Variants in SLCO3A1 observed in about 807,000 individuals in gnomAD.
SLCO3A1 encodes solute carrier organic anion transporter family member 3A1.
Under a neutral mutation model 63.1 loss-of-function variants are expected in SLCO3A1, and 27 were observed. The ratio of observed to expected loss-of-function variants is 0.43; its 90% CI spans 0.32 to 0.59. The LOEUF (loss-of-function observed/expected upper bound fraction) is 0.59. SLCO3A1 is among the 20% of genes least tolerant of loss of function. The pLI is 0.09. For missense variants in SLCO3A1, 773 were observed against 945.8 expected, an observed-to-expected ratio of 0.82 and a Z score of 2.40; for synonymous variants, 473 against 409.9, an observed-to-expected ratio of 1.15 and a Z score of -1.86.
At chr15:91,879,988 C>T (rs1205847571) in intron 1 of SLCO3A1, among the ~76,000 whole-genome samples, 1 of 152,094 alleles carries the variant, frequency 6.6e-6, no homozygotes, top group Non-Finnish European at 1.5e-5. Flanking sequence ...ATTCAGGGCT[C>T]TGTGCAGAAT....
At chr15:92,132,810 T>C (rs1388126569) in intron 7 of SLCO3A1, among the ~76,000 whole-genome samples, 1 of 144,910 alleles carries the variant, frequency 6.9e-6, no homozygotes, top group African/African-American at 2.5e-5. Flanking sequence ...GACAGCTCCA[T>C]TATGGGCCCA....
At chr15:92,065,765 T>G (rs190120672) in intron 2 of SLCO3A1, among the ~76,000 whole-genome samples, 10 of 152,372 alleles carry the variant, frequency 6.6e-5, no homozygotes, top group Admixed American at 1.3e-4. Flanking sequence ...TTCACTCATT[T>G]TACGTGCACA....
intron 2 of SLCO3A1, among the ~76,000 whole-genome samples, chr15:91,969,548 C>T (rs1158530386): frequency 6.6e-6 from 1 of 152,162 alleles, no homozygotes; most frequent in Non-Finnish European, 1.5e-5. Flanking sequence ...CTCAGGTGGT[C>T]CACCCACCTT....
chr15:91,873,702 C>G (rs1010342749), intron 1 of SLCO3A1, among the ~76,000 whole-genome samples: 1 of 152,158 alleles, frequency 6.6e-6, no homozygotes, highest in African/African-American at 2.4e-5. Flanking sequence ...CCTACTATCA[C>G]TCCTAACAAA....
At chr15:91,868,495 A>T (rs1897221315) in intron 1 of SLCO3A1, among the ~76,000 whole-genome samples, 2 of 152,080 alleles carry the variant, frequency 1.3e-5, no homozygotes, top group Admixed American at 1.3e-4. Flanking sequence ...GAACCTGGAG[A>T]TAAACTGTAA....
At chr15:92,046,243 G>C (rs2046861275) in intron 2 of SLCO3A1, among the ~76,000 whole-genome samples, 1 of 152,084 alleles carries the variant, frequency 6.6e-6, no homozygotes, top group South Asian at 2.1e-4. Flanking sequence ...GGCTGGGCGT[G>C]GTGGGTCACA....
chr15:92,116,907 G>A (rs2047802331), intron 4 of SLCO3A1, among the ~76,000 whole-genome samples: 2 of 152,146 alleles, frequency 1.3e-5, no homozygotes, highest in Admixed American at 1.3e-4. Context: ...AAAAAAGAAT[G>A]TTCTTCATGC....
At chr15:92,092,176 A>G (rs207976) in intron 2 of SLCO3A1, among the ~76,000 whole-genome samples, 109,229 of 152,026 alleles carry the variant, frequency 0.72, 39,355 homozygotes, top group Admixed American at 0.8. Flanking sequence ...AAGCATGGGG[A>G]TAACAGCACA....
intron 2 of SLCO3A1, among the ~76,000 whole-genome samples, chr15:91,939,523 G>A (rs1423326461): frequency 1.3e-5 from 2 of 152,158 alleles, no homozygotes; most frequent in African/African-American, 4.8e-5. Flanking sequence ...TGGTTCGCTG[G>A]CTGCAGCCAG....
intron 2 of SLCO3A1, among the ~76,000 whole-genome samples, chr15:92,045,279 CA>C (rs11400205): frequency 0.12 from 14,935 of 129,332 alleles, 807 homozygotes; most frequent in East Asian, 0.25. Flanking sequence ...GACTCCATCT[CA>C]AAAAAAAAAA....
chr15:91,882,839 C>T lies in SLCO3A1; in HGVS notation c.180+28751C>T, dbSNP rs1277304024. 3.3e-5 allele frequency among the ~76,000 whole-genome samples: 5 copies of T among 152,164 alleles called. No individual in the cohort carries two copies. The highest frequency in any genetic ancestry group is 9.7e-5 in the African/African-American group (4 of 41,434). ...GCCCAGCCATGACTTCTTAATCCCACTCGGATTTCACTGAATATGTGCGAT... is the reference window on the plus strand; with the variant it reads ...GCCCAGCCATGACTTCTTAATCCCATTCGGATTTCACTGAATATGTGCGAT... On this transcript the variant is annotated intron_variant, in intron 1 of 9. Transcript: ENST00000318445. The surrounding 1 kb of genome is among the most constrained non-coding windows in gnomAD (Gnocchi z 4.4).
chr15:91,988,481 G>T lies in SLCO3A1; in HGVS notation c.646+72023G>T, dbSNP rs980010154. 5.9e-5 allele frequency among the ~76,000 whole-genome samples: 9 copies of T among 151,982 alleles called. 1 individual carries two copies. In the South Asian group the frequency reaches 6.3e-4, roughly 11 times the overall value. The stretch of plus-strand genomic sequence containing the variant: ...TTTATTTAAAGAAATTAAAAATTCA[G>T]TGAGCCCAAGGAAAACTTGATTACA... On this transcript the variant is annotated intron_variant, in intron 2 of 9. Transcript: ENST00000318445.
intron 2 of SLCO3A1, among the ~76,000 whole-genome samples, chr15:92,056,532 T>C (rs2047023692): frequency 6.6e-6 from 1 of 152,234 alleles, no homozygotes; most frequent in South Asian, 2.1e-4. Context: ...CCAAGGGTTC[T>C]CTTTTAAACT....
Position 92,042,128 on chromosome 15 carries a change from G to C in SLCO3A1, c.647-52753G>C, listed in dbSNP as rs951810701. On this transcript the variant is annotated intron_variant, in intron 2 of 9. Coordinates refer to ENST00000318445, the MANE Select transcript of SLCO3A1 (RefSeq NM_013272.4). ...TTCTTGCCCTGTCCTCTCTCAGCCAGATGGTTTCAGTAGTTGATGCTGTTT... is the reference window on the plus strand; with the variant it reads ...TTCTTGCCCTGTCCTCTCTCAGCCACATGGTTTCAGTAGTTGATGCTGTTT... Among the ~76,000 whole-genome samples the C allele has an allele frequency of 2.6e-5, 4 of 152,170 alleles. No homozygotes were observed. The East Asian group carries it at 7.7e-4, about 29-fold the overall frequency.
intron 2 of SLCO3A1, among the ~76,000 whole-genome samples, chr15:91,921,110 G>A (rs1898829312): frequency 6.6e-6 from 1 of 152,184 alleles, no homozygotes; most frequent in South Asian, 2.1e-4. Flanking sequence ...TTTAGAGGCT[G>A]GAAGTCTAAG....
chr15:91,924,213 G>A (rs1898939040), intron 2 of SLCO3A1, among the ~76,000 whole-genome samples: 1 of 152,204 alleles, frequency 6.6e-6, no homozygotes, highest in African/African-American at 2.4e-5. Flanking sequence ...AGCAGACAGT[G>A]TGGAGCCTGG....
intron 2 of SLCO3A1, among the ~76,000 whole-genome samples, chr15:91,955,632 C>T (rs1900147502): frequency 3.3e-5 from 5 of 152,190 alleles, no homozygotes; most frequent in Admixed American, 3.3e-4. Flanking sequence ...GCACCCAGCC[C>T]ATTCTGTGTC....
chr15:92,016,235 A>T (rs898188170), intron 2 of SLCO3A1, among the ~76,000 whole-genome samples: 2 of 68,920 alleles, frequency 2.9e-5, no homozygotes, highest in African/African-American at 2.0e-4. Context: ...ATAGATAGAT[A>T]GATAGATAGA....
chr15:92,051,852 T>C (rs1235479094), intron 2 of SLCO3A1, among the ~76,000 whole-genome samples: 1 of 152,134 alleles, frequency 6.6e-6, no homozygotes, highest in Non-Finnish European at 1.5e-5. Context: ...AAGTGCTGCG[T>C]GATGAGGGTT....
Sources: gnomAD v4.1 joint callset for allele counts (sites outside exome capture counted in the v4.1 genomes callset) on GRCh38, gnomAD v4.1.1 for gene constraint, Gnocchi (gnomAD v3.1) non-coding constraint, MANE v1.5 for transcripts, NCBI Gene and HGNC (gene_info 2026-07-23, HGNC 2026-07-21) for gene names.